The following L3MBTL4 variants were observed in gnomAD, a reference collection of about 807,000 sequenced individuals.
L3MBTL4 encodes lethal(3)malignant brain tumor-like protein 4.
A neutral mutation model predicts 84.5 loss-of-function variants in L3MBTL4; 70 were observed. The observed-to-expected ratio is 0.83, with a 90% confidence interval of 0.68 to 1.01. The LOEUF (loss-of-function observed/expected upper bound fraction) is 1.01. L3MBTL4 is among the 50% of genes least tolerant of loss of function. L3MBTL4 has a pLI of 0.00. For missense variants in L3MBTL4, 715 were observed against 754.8 expected, an observed-to-expected ratio of 0.95 and a Z score of 0.62; for synonymous variants, 274 against 259.8, an observed-to-expected ratio of 1.05 and a Z score of -0.52.
chr18:6,246,567 A>G (rs1186848183), intron 5 of L3MBTL4, among the ~76,000 whole-genome samples: 1 of 152,210 alleles, frequency 6.6e-6, no homozygotes, highest in African/African-American at 2.4e-5. Flanking sequence ...ATATTGCTTA[A>G]CATCTGAATG....
At chr18:6,325,914 A>T (rs1413364483) in intron 1 of L3MBTL4, among the ~76,000 whole-genome samples, 6 of 151,826 alleles carry the variant, frequency 4.0e-5, no homozygotes, top group Non-Finnish European at 7.4e-5. Context: ...CTGCTTTGAA[A>T]CCCCTTTTTC....
At chr18:5,985,778 C>A in intron 16 of L3MBTL4, among the ~76,000 whole-genome samples, 1 of 151,944 alleles carries the variant, frequency 6.6e-6, no homozygotes, top group Non-Finnish European at 1.5e-5. Context: ...TTTTAGAGCA[C>A]GAGACTAGGG....
chr18:6,222,615 T>C (rs2046605254), intron 10 of L3MBTL4, among the ~76,000 whole-genome samples: 1 of 152,204 alleles, frequency 6.6e-6, no homozygotes, highest in Non-Finnish European at 1.5e-5. Flanking sequence ...AGGGTTGTTT[T>C]TCTCTTAGTT....
intron 14 of L3MBTL4, among the ~76,000 whole-genome samples, chr18:6,120,321 G>C (rs4312388): frequency 3.3e-5 from 5 of 152,230 alleles, no homozygotes; most frequent in Admixed American, 6.5e-5. Flanking sequence ...GGAGTGTCAT[G>C]AGGTGGCTAT....
intron 13 of L3MBTL4, among the ~76,000 whole-genome samples, 172 bp downstream of exon 13, chr18:6,171,656 C>T (rs1241981187): frequency 6.6e-6 from 1 of 152,266 alleles, no homozygotes; most frequent in Non-Finnish European, 1.5e-5. Context: ...TAACATAACG[C>T]ATGCCCTTTG....
chr18:6,221,880 C>A (rs2046570312), intron 10 of L3MBTL4, among the ~76,000 whole-genome samples: 1 of 152,184 alleles, frequency 6.6e-6, no homozygotes, highest in South Asian at 2.1e-4. Flanking sequence ...GTTACACTAC[C>A]TGAAAGCTGT....
intron 14 of L3MBTL4, among the ~76,000 whole-genome samples, chr18:6,137,626 T>C (rs1172532640): frequency 1.3e-5 from 2 of 152,250 alleles, no homozygotes; most frequent in African/African-American, 4.8e-5. Flanking sequence ...ATCTATACAT[T>C]ATTTACCAAT....
intron 5 of L3MBTL4, among the ~76,000 whole-genome samples, chr18:6,249,051 T>C (rs945854252): frequency 1.3e-5 from 2 of 152,204 alleles, no homozygotes; most frequent in African/African-American, 2.4e-5. Context: ...AAATGTCATG[T>C]GTGTGTTTAA....
chr18:6,144,335 T>C (rs2042558571), intron 13 of L3MBTL4, among the ~76,000 whole-genome samples: 1 of 152,178 alleles, frequency 6.6e-6, no homozygotes, highest in African/African-American at 2.4e-5. Flanking sequence ...GATCTTCTGT[T>C]TCTAAATACC....
chr18:6,146,686 T>TA (rs552126100), intron 13 of L3MBTL4, among the ~76,000 whole-genome samples: 8 of 152,232 alleles, frequency 5.3e-5, no homozygotes, highest in Non-Finnish European at 1.0e-4. Context: ...AAAGTGGTTA[T>TA]AAAAAAGTGG....
intron 1 of L3MBTL4, among the ~76,000 whole-genome samples, chr18:6,345,370 C>G (rs989682788): frequency 9.2e-5 from 14 of 151,932 alleles, no homozygotes; most frequent in African/African-American, 3.4e-4. Context: ...GCACTCCAGC[C>G]TGGCAACAGA....
intron 16 of L3MBTL4, among the ~76,000 whole-genome samples, chr18:5,997,604 C>T (rs568617637): frequency 6.6e-6 from 1 of 152,188 alleles, no homozygotes; most frequent in Admixed American, 6.5e-5. Context: ...AGCTGGAAGC[C>T]CCCTCCCCCA....
intron 15 of L3MBTL4, among the ~76,000 whole-genome samples, chr18:6,087,073 A>G (rs28689173): frequency 0.021 from 3,156 of 152,314 alleles, 109 homozygotes; most frequent in African/African-American, 0.073. Flanking sequence ...TGATAAGAAC[A>G]AGGATTTTTG....
At chr18:6,362,787 G>C (rs1037399347) in intron 1 of L3MBTL4, among the ~76,000 whole-genome samples, 2 of 152,334 alleles carry the variant, frequency 1.3e-5, no homozygotes, top group Admixed American at 1.3e-4. Flanking sequence ...AAAGTAGTGG[G>C]AAGAGAAAGC....
chr18:6,298,830 C>T (rs575662050), intron 4 of L3MBTL4, among the ~76,000 whole-genome samples: 10 of 151,910 alleles, frequency 6.6e-5, no homozygotes, highest in African/African-American at 1.5e-4. Flanking sequence ...GCCAAGATTG[C>T]GCCATTGCAC....
intron 12 of L3MBTL4, among the ~76,000 whole-genome samples, chr18:6,206,632 C>T (rs1341806466): frequency 6.6e-6 from 1 of 152,162 alleles, no homozygotes; most frequent in Non-Finnish European, 1.5e-5. Flanking sequence ...TAAGTCCCTA[C>T]TACAGTTCTT....
rs77112041 is a variant in L3MBTL4 at position 6,274,769 on chromosome 18, T to C, written c.128-10731A>G. Among the ~76,000 whole-genome samples the C allele has an allele frequency of 6.4e-3, 968 of 152,266 alleles. 6 individuals are homozygous for C. Among genetic ancestry groups the C allele is most frequent in the African/African-American group, 0.022 (919 of 41,552 alleles). ...CATAGAAATATCAGGAAGGAGATCA[T>C]GGCGCACGCAGGCATGATATGACGA... On this transcript the variant is annotated intron_variant, in intron 4 of 18. Transcript: ENST00000317931.
In L3MBTL4 at chr18:6,033,525, C is replaced by G. The variant is rs2055946027; in HGVS notation, c.1444+47356G>C. Among the ~76,000 whole-genome samples, 3 of 152,238 alleles carry G rather than the reference C, an allele frequency of 2.0e-5. No homozygotes were observed. In the South Asian group the frequency reaches 6.2e-4, roughly 32 times the overall value. On this transcript the variant is annotated intron_variant, in intron 16 of 18. Coordinates refer to ENST00000317931, the MANE Select transcript of L3MBTL4 (RefSeq NM_001330559.2). ...ATCTTGCTACTAGTTTTTCATGTGC[C>G]TTACAATTGCATTACAATTATATTA... is the stretch of plus-strand genomic sequence containing the variant.
intron 16 of L3MBTL4, among the ~76,000 whole-genome samples, chr18:6,061,179 T>C (rs1312962633): frequency 1.3e-5 from 2 of 152,050 alleles, no homozygotes; most frequent in East Asian, 1.9e-4. Flanking sequence ...AGTATGTCAG[T>C]GTTTTGATTT....
Sources: gnomAD v4.1 joint callset for allele counts (sites outside exome capture counted in the v4.1 genomes callset) on GRCh38, gnomAD v4.1.1 for gene constraint, MANE v1.5 for transcripts, NCBI Gene and HGNC (gene_info 2026-07-23, HGNC 2026-07-21) for gene names.